PDXDC1: variants seen among roughly 807,000 people sequenced by gnomAD.
PDXDC1 encodes the protein pyridoxal-dependent decarboxylase domain-containing protein 1.
A neutral mutation model predicts 100.1 loss-of-function variants in PDXDC1; 42 were observed. The ratio of observed to expected loss-of-function variants is 0.42; its 90% CI spans 0.33 to 0.54. The LOEUF is 0.54. PDXDC1 is among the 20% of genes least tolerant of loss of function. The pLI, the probability that PDXDC1 is intolerant of heterozygous loss-of-function variation, is 0.10. For synonymous variants in PDXDC1, 260 were observed against 371.7 expected (o/e 0.70, Z 3.46); for missense variants, 636 against 979.2 (o/e 0.65, Z 4.68).
intron 16 of PDXDC1, chr16:15,084,855 C>T: frequency 1.5e-6 from 1 of 657,828 alleles, no homozygotes; most frequent in Non-Finnish European, 2.8e-6. Context: ...CACCTGAGGT[C>T]AGGAGTTCGA....
chr16:15,044,224 A>G, intron 16 of PDXDC1: 1 of 710,330 alleles, frequency 1.4e-6, no homozygotes, highest in Non-Finnish European at 2.5e-6. Context: ...GTGCTGCTCC[A>G]AGTGGGTGTG....
chr16:15,099,380 A>C (rs1336325597), intron 16 of PDXDC1, among the ~76,000 whole-genome samples: 1 of 146,058 alleles, frequency 6.8e-6, no homozygotes, highest in African/African-American at 2.5e-5. Flanking sequence ...AGATCGCAAC[A>C]CTGCACTCCA....
At chr16:15,077,066 G>A (rs1382306449) in intron 16 of PDXDC1, among the ~76,000 whole-genome samples, 2 of 149,214 alleles carry the variant, frequency 1.3e-5, no homozygotes, top group Admixed American at 6.8e-5. Flanking sequence ...CGCAAACTCC[G>A]CCCCCCAGGT....
intron 16 of PDXDC1, chr16:15,104,881 G>T (rs1269216609): frequency 3.3e-5 from 50 of 1,526,568 alleles, no homozygotes; most frequent in Non-Finnish European, 4.2e-5. Flanking sequence ...CATCCTCCAG[G>T]TTTCAAAATA....
chr16:15,149,709 G>A, the PDXDC1 span, among the ~76,000 whole-genome samples: 545 of 152,238 alleles, frequency 3.6e-3, 11 homozygotes, highest in East Asian at 0.034. Flanking sequence ...CCCTCGATGT[G>A]CCCAGTCCTG....
At chr16:15,048,148 G>A in intron 16 of PDXDC1, 1 of 1,349,424 alleles carries the variant, frequency 7.4e-7, no homozygotes, top group Non-Finnish European at 1.0e-6. Flanking sequence ...TAGTGAGGAT[G>A]GAAAAACTAA....
Position 15,047,050 on chromosome 16 carries a change from A to G in PDXDC1, c.1399+16994A>G, listed in dbSNP as rs2044100910. 2.0e-5 allele frequency among the ~76,000 whole-genome samples: 3 copies of G among 152,150 alleles called. No individual in the cohort carries two copies. The South Asian group carries it at 6.2e-4, about 32-fold the overall frequency. On this transcript the variant is annotated intron_variant, in intron 16 of 16. Transcript: ENST00000535621. The stretch of plus-strand genomic sequence containing the variant: ...GGGCCGGGCTTTCTGTCTACTCTTC[A>G]CTGCTGTGTCCCTAGAAACTACAAG...
chr16:15,026,737 A>G (rs781626242), intron 14 of PDXDC1, 31 bp downstream of exon 14: 3 of 1,598,828 alleles, frequency 1.9e-6, no homozygotes, highest in Middle Eastern at 1.7e-4. Context: ...GGTTATTTTC[A>G]TATCTGTGTT....
At chr16:15,060,894 C>T (rs2044685420) in intron 16 of PDXDC1, 1 of 152,218 alleles carries the variant, frequency 6.6e-6, no homozygotes, top group African/African-American at 2.4e-5. Context: ...CTAATGGCCA[C>T]CAAGGAGCAG....
rs372719907 is a variant in PDXDC1, at chr16:15,034,314, G to A, written c.1841G>A (p.Arg614Gln). The change falls in exon 20 of 23, where the codon CGG becomes CAG. Residue 614 changes from arginine (R) to glutamine (Q), a missense_variant. Physicochemically the swap from Arg to Gln is conservative, Grantham distance 43. Transcript: ENST00000396410. Reference protein sequence around the residue: ...RLLENMTEVVRKGIQEAQVEL... With the variant: ...RLLENMTEVVQKGIQEAQVEL... ...CTGGAAAACATGACAGAAGTGGTTC[G>A]GAAAGGCATTCAGGAAGCTCAAGTG... is the stretch of plus-strand genomic sequence containing the variant. 1.2e-4 allele frequency: 193 copies of A among 1,613,162 alleles called. 1 individual carries two copies. Among genetic ancestry groups the A allele is most frequent in the Middle Eastern group, 5.5e-4 (3 of 5,492 alleles).
At chr16:15,027,478 G>A (rs1212924734) in intron 14 of PDXDC1, among the ~76,000 whole-genome samples, 41 of 152,366 alleles carry the variant, frequency 2.7e-4, no homozygotes, top group African/African-American at 9.9e-4. Context: ...AAGGACAGAG[G>A]GATTAATGTA....
chr16:15,109,482 C>A (rs2046941967), intron 16 of PDXDC1, among the ~76,000 whole-genome samples: 1 of 148,080 alleles, frequency 6.8e-6, no homozygotes, highest in African/African-American at 2.5e-5. Context: ...TATGGTGAAA[C>A]CCCGCCTCTA....
intron 16 of PDXDC1, among the ~76,000 whole-genome samples, chr16:15,058,498 G>A (rs908070059): frequency 3.3e-5 from 5 of 152,086 alleles, no homozygotes; most frequent in East Asian, 1.9e-4. Flanking sequence ...AGGCCGAGGC[G>A]GACAGATTGC....
chr16:15,041,700 G>A (rs201675903), downstream of PDXDC1: 28 of 1,582,500 alleles, frequency 1.8e-5, no homozygotes, highest in East Asian at 6.0e-4. Flanking sequence ...TTTAAGACCA[G>A]AAGTCAGAAA....
chr16:15,057,475 C>A (rs984768690), intron 16 of PDXDC1, among the ~76,000 whole-genome samples: 7 of 152,184 alleles, frequency 4.6e-5, no homozygotes, highest in African/African-American at 1.7e-4. Context: ...GAAGACTGAA[C>A]CTAGCTTTGC....
At chr16:15,055,323 C>A (rs1372737362) in intron 16 of PDXDC1, among the ~76,000 whole-genome samples, 2 of 152,210 alleles carry the variant, frequency 1.3e-5, no homozygotes, top group East Asian at 3.8e-4. Flanking sequence ...TATGGCCCAG[C>A]TGCGGAAAGC....
At chr16:15,047,631 G>C in intron 16 of PDXDC1, 2 of 1,079,556 alleles carry the variant, frequency 1.9e-6, no homozygotes, top group Non-Finnish European at 1.4e-6. Flanking sequence ...CTGTCCCTCC[G>C]GACCGCCTCA....
intron 1 of PDXDC1, among the ~76,000 whole-genome samples, chr16:14,983,425 T>C (rs1366349235): frequency 1.3e-5 from 2 of 151,848 alleles, no homozygotes; most frequent in Non-Finnish European, 2.9e-5. Flanking sequence ...ACAAAAAAAC[T>C]AGCCGGGTGT....
At chr16:15,059,827 G>C (rs940622794) in intron 16 of PDXDC1, among the ~76,000 whole-genome samples, 4 of 152,004 alleles carry the variant, frequency 2.6e-5, no homozygotes, top group Non-Finnish European at 4.4e-5. Context: ...CTCTTTGCTG[G>C]GTGTGATTAA....
Sources: gnomAD v4.1 joint callset for allele counts (sites outside exome capture counted in the v4.1 genomes callset) on GRCh38, gnomAD v4.1.1 for gene constraint, MANE v1.5 for transcripts, NCBI Gene and HGNC (gene_info 2026-07-23, HGNC 2026-07-21) for gene names.